Variants in KDM5A observed in about 807,000 individuals in gnomAD.
KDM5A encodes the protein lysine-specific demethylase 5A.
KDM5A carries 42 observed loss-of-function variants against 193.5 expected under a neutral mutation model. The ratio of observed to expected loss-of-function variants is 0.22; its 90% CI spans 0.17 to 0.28. The LOEUF (loss-of-function observed/expected upper bound fraction) is 0.28. Ranked by LOEUF, KDM5A falls within the 10% of genes least tolerant of loss-of-function variation. The probability of loss-of-function intolerance (pLI) is 1.00; values close to 1 mark genes in which losing one functional copy is unlikely to be tolerated. For synonymous variants in KDM5A, 796 were observed against 718.1 expected (o/e 1.11, Z -1.73); for missense variants, 1,692 against 2,055.1 (o/e 0.82, Z 3.42).
intron 13 of KDM5A, among the ~76,000 whole-genome samples, chr12:331,041 T>C (rs1943859392): frequency 6.6e-6 from 1 of 151,818 alleles, no homozygotes; most frequent in Admixed American, 6.6e-5. Flanking sequence ...CATAAAAGTA[T>C]AGCGCAGAGA....
At position 350,733 on chromosome 12, in the gene KDM5A, CT is replaced by C; in HGVS notation, c.1195del (p.Ser399AlafsTer26). On this transcript the variant is annotated frameshift_variant, in exon 10 of 28. Transcript: ENST00000399788. LOFTEE classifies it high-confidence loss of function. ...CACAATAACATCTTCTTCAATGCTG[CT>C]TACCAGCCGCCAAAATTCCTTTTCT... The part of the protein sequence containing the change: ...LVEKEFWRLV[S>X]SIEEDVIVEY... 6.2e-7 allele frequency: 1 copy of C among 1,614,010 alleles called. No individual in the cohort carries two copies. The highest frequency in any genetic ancestry group is 8.5e-7 in the Non-Finnish European group (1 of 1,179,936).
chr12:321,860 G>A lies in KDM5A; in HGVS notation c.2426+557C>T, dbSNP rs1943721360. Among the ~76,000 whole-genome samples the A allele has an allele frequency of 2.0e-5, 3 of 152,016 alleles. No individual in the cohort carries two copies. The South Asian group carries it at 6.2e-4, about 32-fold the overall frequency. On this transcript the variant is annotated intron_variant, in intron 17 of 27. Transcript: ENST00000399788. The stretch of plus-strand genomic sequence containing the variant: ...ATTGCACAACTGTGTGCCAGGCATT[G>A]TTCTAAGCACAAGAAATATGGCAAT...
chr12:351,767 G>A (rs1002686570), intron 9 of KDM5A, among the ~76,000 whole-genome samples: 1 of 151,956 alleles, frequency 6.6e-6, no homozygotes, highest in African/African-American at 2.4e-5. Context: ...TCAGGAGATC[G>A]AGACCAGCCT....
In KDM5A at chr12:323,208, TACAAAAAAAAAA is replaced by T. The variant is rs1943741453; in HGVS notation, c.2151-14_2151-3del. 2.9e-5 allele frequency: 3 copies of T among 105,070 alleles called. No homozygotes were observed. Among genetic ancestry groups the T allele is most frequent in the African/African-American group, 2.6e-4 (1 of 3,918 alleles). The allele number at this position is 105,070 out of a possible 1,614,324, so 6.5% of individuals were successfully genotyped here. On this transcript the variant is annotated splice_region_variant and splice_polypyrimidine_tract_variant and intron_variant, in intron 15 of 27. Coordinates refer to ENST00000399788, the MANE Select transcript of KDM5A (RefSeq NM_001042603.3). ...AGGTCTTCTAATGGGTAGCGATATC[TACAAAAAAAAAA>T]AAAAAAAAAAAAAAAAAAAGAAAAC...
chr12:374,475 G>C (rs944588255), intron 3 of KDM5A, among the ~76,000 whole-genome samples: 1 of 152,158 alleles, frequency 6.6e-6, no homozygotes, highest in African/African-American at 2.4e-5. Context: ...GTCTCTGCAT[G>C]TGAGATGGGT....
chr12:337,571 T>C (rs1943950425), intron 10 of KDM5A, among the ~76,000 whole-genome samples: 1 of 152,014 alleles, frequency 6.6e-6, no homozygotes, highest in African/African-American at 2.4e-5. Context: ...CTGAGATTTA[T>C]CCTATATTCA....
chr12:355,068 T>A, intron 7 of KDM5A, 90 bp downstream of exon 7: 2 of 830,772 alleles, frequency 2.4e-6, no homozygotes, highest in Non-Finnish European at 4.3e-6. Context: ...ACGAGCTAAC[T>A]AAACACATAC....
intron 20 of KDM5A, among the ~76,000 whole-genome samples, 186 bp downstream of exon 20, chr12:312,870 C>T (rs1248394860): frequency 3.3e-5 from 5 of 152,126 alleles, no homozygotes; most frequent in African/African-American, 1.2e-4. Flanking sequence ...ATTCAAATTT[C>T]GAAACACAGT....
At chr12:353,144 GA>G (rs1277394141) in intron 8 of KDM5A, among the ~76,000 whole-genome samples, 1 of 151,968 alleles carries the variant, frequency 6.6e-6, no homozygotes, top group Non-Finnish European at 1.5e-5. Flanking sequence ...CAGGAGTTTA[GA>G]CCAGCCTGGC....
At chr12:296,512 C>T (rs553497036) in intron 25 of KDM5A, among the ~76,000 whole-genome samples, 3 of 152,124 alleles carry the variant, frequency 2.0e-5, no homozygotes, top group African/African-American at 7.2e-5. Context: ...GACAATAATA[C>T]ACAGTTCCAT....
Position 318,436 on chromosome 12 carries a change from A to C in KDM5A, c.2567T>G (p.Phe856Cys). 6.2e-7 allele frequency: 1 copy of C among 1,613,768 alleles called. No individual in the cohort carries two copies. The highest frequency in any genetic ancestry group is 8.5e-7 in the Non-Finnish European group (1 of 1,179,640). ...VKNLLDDVEE[F>C]HERAQEAMMD... is the part of the protein sequence containing the mutation. ...CATGGCCTCCTGAGCACGTTCATGA[A>C]ACTCTTCCACATCATCTAGCAGATT... The change falls in exon 19 of 28, where the codon TTT becomes TGT. Residue 856 changes from phenylalanine (F) to cysteine (C), a missense_variant. By Grantham distance (205) the Phe-to-Cys change is radical. This residue lies in a region of KDM5A where 965 missense variants were observed against 1,061.0 expected (regional missense o/e 0.91). Transcript: ENST00000399788.
rs529436931 is a variant in KDM5A at position 346,325 on chromosome 12, A to G, written c.1308+4296T>C. 7.7e-4 allele frequency among the ~76,000 whole-genome samples: 118 copies of G among 152,336 alleles called. 3 individuals are homozygous for G. The South Asian group carries it at 0.024, about 31-fold the overall frequency. The stretch of plus-strand genomic sequence containing the variant: ...CCAGATGGATTCACAGCCAAATTCT[A>G]CCAGAGGTACAAAGAGGAGCTGGTA... On this transcript the variant is annotated intron_variant, in intron 10 of 27. Transcript: ENST00000399788.
intron 14 of KDM5A, among the ~76,000 whole-genome samples, chr12:326,318 G>A (rs937793441): frequency 6.6e-6 from 1 of 152,196 alleles, no homozygotes; most frequent in African/African-American, 2.4e-5. Context: ...AAACCACAAG[G>A]TAATAGCTGA....
At chr12:383,436 C>G (rs1041553974) in intron 3 of KDM5A, among the ~76,000 whole-genome samples, 15 of 152,068 alleles carry the variant, frequency 9.9e-5, no homozygotes, top group Middle Eastern at 6.8e-3. Flanking sequence ...GGGCTAGTCT[C>G]TAACTCCTAG....
intron 25 of KDM5A, among the ~76,000 whole-genome samples, chr12:296,082 G>T (rs1313221172): frequency 6.6e-6 from 1 of 152,154 alleles, no homozygotes. Flanking sequence ...ACTTTGGGAG[G>T]CTGAGGCGGG....
chr12:308,413 C>T (rs1943541039), intron 22 of KDM5A, among the ~76,000 whole-genome samples: 1 of 152,102 alleles, frequency 6.6e-6, no homozygotes, highest in Admixed American at 6.5e-5. Flanking sequence ...TATGAAAGTG[C>T]CTAACCTGGT....
intron 2 of KDM5A, among the ~76,000 whole-genome samples, chr12:385,649 G>A (rs139035679): frequency 1.3e-5 from 2 of 152,242 alleles, no homozygotes; most frequent in East Asian, 3.9e-4. Flanking sequence ...ACTAGAGAAA[G>A]TAGAATTTAA....
At chr12:385,424 ATACT>A (rs1325555896) in intron 2 of KDM5A, among the ~76,000 whole-genome samples, 13 of 152,032 alleles carry the variant, frequency 8.6e-5, no homozygotes, top group South Asian at 2.1e-4. Context: ...TTAAAAAATA[ATACT>A]TAAAGTAATT....
intron 3 of KDM5A, among the ~76,000 whole-genome samples, chr12:369,717 C>T (rs1944402159): frequency 1.3e-5 from 2 of 152,042 alleles, no homozygotes; most frequent in South Asian, 4.1e-4. Flanking sequence ...AATAAGGAAG[C>T]CAGTGTGGCT....
Sources: allele counts gnomAD v4.1 joint callset (sites outside exome capture counted in the v4.1 genomes callset), GRCh38; gene constraint gnomAD v4.1.1; regional missense constraint gnomAD v4.1.1; transcripts MANE v1.5; gene names NCBI Gene and HGNC (gene_info 2026-07-23, HGNC 2026-07-21).